Variants in UTRN observed in about 807,000 individuals in gnomAD.
UTRN encodes the protein dystrophin-related protein 1.
In UTRN, 283 loss-of-function variants were observed where a neutral mutation model predicts 463.9. That is an observed-to-expected ratio of 0.61 (90% confidence interval 0.55 to 0.67). UTRN has a LOEUF of 0.67. Ranked by LOEUF, UTRN falls within the 30% of genes least tolerant of loss-of-function variation. The pLI is 0.00. For synonymous variants in UTRN, 1,442 were observed against 1,431.5 expected, an observed-to-expected ratio of 1.01 and a Z score of -0.17; for missense variants, 3,922 against 4,084.3, an observed-to-expected ratio of 0.96 and a Z score of 1.08.
intron 62 of UTRN, among the ~76,000 whole-genome samples, chr6:144,792,288 G>T (rs1776826548): frequency 6.6e-6 from 1 of 152,184 alleles, no homozygotes; most frequent in Admixed American, 6.5e-5. Context: ...GCTCACACCT[G>T]TAATCCCCAG....
chr6:144,646,351 C>G (rs1277160497), intron 51 of UTRN, among the ~76,000 whole-genome samples: 1 of 152,100 alleles, frequency 6.6e-6, no homozygotes, highest in African/African-American at 2.4e-5. Context: ...AAGTTCCTTT[C>G]TTTGCATTTA....
chr6:144,587,862 C>T (rs1183977577), intron 51 of UTRN, among the ~76,000 whole-genome samples: 1 of 152,098 alleles, frequency 6.6e-6, no homozygotes, highest in Admixed American at 6.6e-5. Context: ...AGAGTCATGA[C>T]CCTCTAGTCT....
chr6:144,695,533 C>T (rs1006369178), intron 52 of UTRN, among the ~76,000 whole-genome samples: 2 of 151,954 alleles, frequency 1.3e-5, no homozygotes, highest in Non-Finnish European at 2.9e-5. Context: ...TTAGTAGAGA[C>T]GGGGTTTCAC....
At chr6:144,495,574 C>G (rs1793559535) in intron 33 of UTRN, among the ~76,000 whole-genome samples, 1 of 152,200 alleles carries the variant, frequency 6.6e-6, no homozygotes, top group Non-Finnish European at 1.5e-5. Context: ...CTTGGCCAGC[C>G]CAGAAAGGGG....
At chr6:144,327,906 T>A (rs1776076186) in intron 2 of UTRN, among the ~76,000 whole-genome samples, 3 of 152,034 alleles carry the variant, frequency 2.0e-5, no homozygotes, top group African/African-American at 7.3e-5. Context: ...ATCACACCAT[T>A]GCACTCCAGC....
chr6:144,793,861 C>T lies in UTRN; in HGVS notation c.8948C>T (p.Thr2983Ile), dbSNP rs771538637. Residue 2983 changes from threonine (T) to isoleucine (I), a missense_variant, in exon 63 of 75, where the codon ACA (threonine) becomes ATA (isoleucine). Coordinates refer to ENST00000367545, the MANE Select transcript of UTRN (RefSeq NM_007124.3). Reference protein sequence around the residue: ...RYLFKEVAGPTEMCDQRQLGL... With the variant: ...RYLFKEVAGPIEMCDQRQLGL... ...CTCTTTAAGGAAGTTGCAGGGCCAA[C>T]AGAAATGTGTGACCAGAGGCAGCTG... 3 of 1,614,070 alleles carry T rather than the reference C, an allele frequency of 1.9e-6. No homozygotes were observed. The highest frequency in any genetic ancestry group is 2.5e-6 in the Non-Finnish European group (3 of 1,179,966).
intron 73 of UTRN, among the ~76,000 whole-genome samples, chr6:144,844,734 C>G (rs1244170516): frequency 6.6e-6 from 1 of 152,148 alleles, no homozygotes; most frequent in African/African-American, 2.4e-5. Flanking sequence ...TTGTGATTCC[C>G]AAAGCTTACC....
chr6:144,530,948 G>A (rs761580061), intron 41 of UTRN, 104 bp from the exon 42 acceptor site: 2 of 1,287,628 alleles, frequency 1.6e-6, no homozygotes, highest in Non-Finnish European at 2.1e-6. Flanking sequence ...AGTTGTTTGA[G>A]GTCTTTCTGT....
At chr6:144,328,116 A>C (rs1233311980) in intron 2 of UTRN, among the ~76,000 whole-genome samples, 1 of 152,036 alleles carries the variant, frequency 6.6e-6, no homozygotes, top group African/African-American at 2.4e-5. Flanking sequence ...CCTGTCTGCT[A>C]TCCTCCCTTT....
chr6:144,775,370 G>A (rs1775232112), intron 60 of UTRN, among the ~76,000 whole-genome samples: 1 of 152,140 alleles, frequency 6.6e-6, no homozygotes, highest in Non-Finnish European at 1.5e-5. Context: ...GAAGTCTACA[G>A]GGCTGAAAGA....
intron 3 of UTRN, among the ~76,000 whole-genome samples, chr6:144,404,248 A>C (rs1783184376): frequency 6.6e-6 from 1 of 152,188 alleles, no homozygotes; most frequent in Non-Finnish European, 1.5e-5. Context: ...GAGGGTTAAA[A>C]ATACAGAGAA....
chr6:144,700,211 C>T lies in UTRN; in HGVS notation c.7777C>T (p.Pro2593Ser). 6.2e-7 allele frequency: 1 copy of T among 1,613,220 alleles called. No individual in the cohort carries two copies. The highest frequency in any genetic ancestry group is 8.5e-7 in the Non-Finnish European group (1 of 1,179,444). ...ACAAATGCCTATTGGAGGAGATGTT[C>T]CAGCCTTACAGCTCCAGTATGACCA... The part of the protein sequence containing the change: ...KKQMPIGGDV[P>S]ALQLQYDHCK... Residue 2593 changes from proline (P) to serine (S), a missense_variant, in exon 53 of 75, where the codon CCA (proline) becomes TCA (serine). Coordinates refer to ENST00000367545, the MANE Select transcript of UTRN (RefSeq NM_007124.3).
At chr6:144,486,156 G>T (rs1234818069) in intron 28 of UTRN, among the ~76,000 whole-genome samples, 1 of 152,190 alleles carries the variant, frequency 6.6e-6, no homozygotes, top group African/African-American at 2.4e-5. Flanking sequence ...GGGTAGATAG[G>T]CTTTTAAAAA....
At chr6:144,561,405 T>C (rs1048356034) in intron 50 of UTRN, among the ~76,000 whole-genome samples, 6 of 151,514 alleles carry the variant, frequency 4.0e-5, no homozygotes, top group Non-Finnish European at 7.4e-5. Context: ...TATACAGGTA[T>C]GTATATATAT....
intron 51 of UTRN, among the ~76,000 whole-genome samples, chr6:144,600,181 G>T (rs1804097285): frequency 6.6e-6 from 1 of 152,112 alleles, no homozygotes; most frequent in African/African-American, 2.4e-5. Context: ...TAACAATATT[G>T]AAATTAGACC....
chr6:144,782,047 C>T lies in UTRN; in HGVS notation c.8758C>T (p.Gln2920Ter). Residue 2920 changes from glutamine to a stop codon, truncating the protein, a stop_gained, in exon 61 of 75, where the codon CAA becomes TAA. Transcript: ENST00000367545. LOFTEE classifies it high-confidence loss of function. ...CLTTTYDGLE[Q>*]MHKDLVNVPL... ...GACAACAACTTATGATGGACTTGAG[C>T]AAATGCATAAGGACCTGGTCAACGT... 1 of 1,614,022 alleles carries T rather than the reference C, an allele frequency of 6.2e-7. No individual in the cohort carries two copies. The highest frequency in any genetic ancestry group is 8.5e-7 in the Non-Finnish European group (1 of 1,179,950).
intron 51 of UTRN, among the ~76,000 whole-genome samples, chr6:144,649,006 G>A (rs1461416492): frequency 1.3e-5 from 2 of 152,168 alleles, no homozygotes; most frequent in East Asian, 1.9e-4. Context: ...AAAACAACCT[G>A]TAAACAAGCC....
At chr6:144,763,722 G>A (rs17074136) in intron 58 of UTRN, among the ~76,000 whole-genome samples, 3,976 of 152,276 alleles carry the variant, frequency 0.026, 163 homozygotes, top group African/African-American at 0.091. Context: ...CTAACAAAGT[G>A]TGTGTAACAG....
rs534908782 is a variant in UTRN at position 144,836,697 on chromosome 6, G to A, written c.10065+156G>A. 2.0e-5 allele frequency: 24 copies of A among 1,181,638 alleles called. No homozygotes were observed. The African/African-American group carries it at 3.1e-4, about 15-fold the overall frequency. The allele number at this position is 1,181,638 out of a possible 1,614,324, so 73.2% of individuals were successfully genotyped here. A position where few individuals can be genotyped will look rare whatever the true frequency, so the allele number is the denominator to read the frequency against. ...CTGGCTTAGAAATTTCCTTTTACAT[G>A]TAAGCATATAAATCCTCATTGGCAC... On this transcript the variant is annotated intron_variant, in intron 71 of 74. Transcript: ENST00000367545.
Sources: allele counts gnomAD v4.1 joint callset (sites outside exome capture counted in the v4.1 genomes callset), GRCh38; gene constraint gnomAD v4.1.1; transcripts MANE v1.5; gene names NCBI Gene and HGNC (gene_info 2026-07-23, HGNC 2026-07-21).